The following SLC35F3 variants were observed in gnomAD, a reference collection of about 807,000 sequenced individuals.
SLC35F3 encodes the protein solute carrier family 35 member F3.
SLC35F3 carries 25 observed loss-of-function variants against 49.9 expected under a neutral mutation model. The ratio of observed to expected loss-of-function variants is 0.50; its 90% CI spans 0.37 to 0.70. The LOEUF is 0.70. Ranked by LOEUF, SLC35F3 falls within the 30% of genes least tolerant of loss-of-function variation. The probability of loss-of-function intolerance (pLI) is 0.00; values close to 1 mark genes in which losing one functional copy is unlikely to be tolerated. For missense variants in SLC35F3, 525 were observed against 639.8 expected, an observed-to-expected ratio of 0.82 and a Z score of 1.94; for synonymous variants, 275 against 265.4, an observed-to-expected ratio of 1.04 and a Z score of -0.35.
intron 3 of SLC35F3, among the ~76,000 whole-genome samples, chr1:234,236,925 T>TTATAAATATATATA (rs1667480688): frequency 1.0e-5 from 1 of 96,294 alleles, no homozygotes; most frequent in Non-Finnish European, 2.0e-5. Context: ...AAAAAAAAAA[T>TTATAAATATATATA]TATATATATA....
chr1:233,948,484 A>G (rs1662553041), intron 2 of SLC35F3, among the ~76,000 whole-genome samples: 1 of 152,146 alleles, frequency 6.6e-6, no homozygotes. Context: ...ACAAGGCTAG[A>G]TAATTAGGAA....
intron 3 of SLC35F3, among the ~76,000 whole-genome samples, chr1:234,296,256 T>C (rs967006726): frequency 1.3e-5 from 2 of 152,012 alleles, no homozygotes; most frequent in Non-Finnish European, 2.9e-5. Context: ...CTTCATCTCC[T>C]ACGTCCATCG....
chr1:234,082,642 C>T (rs1367086756), intron 2 of SLC35F3, among the ~76,000 whole-genome samples: 2 of 152,218 alleles, frequency 1.3e-5, no homozygotes, highest in South Asian at 4.2e-4. Flanking sequence ...TGAAGACATA[C>T]CCAAGACTGG....
chr1:233,984,311 C>T (rs906671951), intron 2 of SLC35F3, among the ~76,000 whole-genome samples: 13 of 152,186 alleles, frequency 8.5e-5, no homozygotes, highest in African/African-American at 2.7e-4. Flanking sequence ...CACTACTCCA[C>T]GGAGTAGGAC....
chr1:234,143,288 C>CTTTTCTTTTTTTTT (rs1478216426), intron 2 of SLC35F3, among the ~76,000 whole-genome samples: 2 of 123,534 alleles, frequency 1.6e-5, no homozygotes, highest in African/African-American at 3.5e-5. Context: ...CTTTTCTTTT[C>CTTTTCTTTTTTTTT]TTTTTTTTTT....
chr1:233,947,671 A>G (rs1662534373), intron 2 of SLC35F3, among the ~76,000 whole-genome samples: 1 of 150,418 alleles, frequency 6.6e-6, no homozygotes, highest in Admixed American at 6.6e-5. Context: ...CTTGCACCTC[A>G]TATGGGAACC....
At chr1:233,940,842 A>G (rs1662408736) in intron 2 of SLC35F3, among the ~76,000 whole-genome samples, 1 of 152,168 alleles carries the variant, frequency 6.6e-6, no homozygotes. Flanking sequence ...TAGACATGCA[A>G]TTACTGGGTC....
intron 2 of SLC35F3, among the ~76,000 whole-genome samples, chr1:234,029,131 G>A (rs138771364): frequency 5.8e-4 from 89 of 152,276 alleles, no homozygotes; most frequent in African/African-American, 2.1e-3. Flanking sequence ...GCTTGGGGCT[G>A]GGTGATAACA....
At chr1:234,230,889 T>A (rs1333671466) in intron 2 of SLC35F3, among the ~76,000 whole-genome samples, 1 of 152,230 alleles carries the variant, frequency 6.6e-6, no homozygotes, top group African/African-American at 2.4e-5. Flanking sequence ...ACTGTGCCTT[T>A]AAGTAACAGG....
chr1:234,039,787 G>A (rs948185185), intron 2 of SLC35F3, among the ~76,000 whole-genome samples: 4 of 152,202 alleles, frequency 2.6e-5, no homozygotes, highest in African/African-American at 9.6e-5. Flanking sequence ...TTTGCAGCTG[G>A]CAGGAGCAAA....
intron 2 of SLC35F3, among the ~76,000 whole-genome samples, chr1:234,066,754 C>CCT (rs1225222290): frequency 2.8e-5 from 4 of 144,314 alleles, no homozygotes; most frequent in East Asian, 2.1e-4. Flanking sequence ...TCTTTCTCTC[C>CCT]CTCTCTCTCT....
Position 234,027,707 on chromosome 1 carries a change from G to A in SLC35F3, c.283+121949G>A, listed in dbSNP as rs1663998990. Reference sequence around the variant, plus strand: ...GTGACCAGTTGTTTGGATGAAGAGAGGGTAATTTTGTTTGTTTATTCCCTG... The same window carrying A: ...GTGACCAGTTGTTTGGATGAAGAGAAGGTAATTTTGTTTGTTTATTCCCTG... On this transcript the variant is annotated intron_variant, in intron 2 of 7. Transcript: ENST00000366618. The surrounding 1 kb of genome is among the most constrained non-coding windows in gnomAD (Gnocchi z 4.1). Among the ~76,000 whole-genome samples, 2 of 152,136 alleles carry A rather than the reference G, an allele frequency of 1.3e-5. No individual in the cohort carries two copies. The highest frequency in any genetic ancestry group is 2.1e-4 in the South Asian group (1 of 4,822).
chr1:234,027,912 A>G lies in SLC35F3; in HGVS notation c.283+122154A>G, dbSNP rs770413113. On this transcript the variant is annotated intron_variant, in intron 2 of 7. Coordinates refer to ENST00000366618, the MANE Select transcript of SLC35F3 (RefSeq NM_173508.4). The surrounding 1 kb of genome is among the most constrained non-coding windows in gnomAD (Gnocchi z 4.1). ...GTAATTTCAGCTGGTGATAGCAACCATGTTGAGTAAGCAGTATTGATCAAA... is the reference window on the plus strand; with the variant it reads ...GTAATTTCAGCTGGTGATAGCAACCGTGTTGAGTAAGCAGTATTGATCAAA... Among the ~76,000 whole-genome samples, 4 of 152,206 alleles carry G rather than the reference A, an allele frequency of 2.6e-5. No homozygotes were observed. Among genetic ancestry groups the G allele is most frequent in the Non-Finnish European group, 5.9e-5 (4 of 68,020 alleles).
chr1:233,985,684 C>T lies in SLC35F3; in HGVS notation c.283+79926C>T, dbSNP rs544822787. ...TTTCAGCAATCTGCCTTTCTTTAGA[C>T]ATTCTGGGGGTGCTTTATTGGAACG... On this transcript the variant is annotated intron_variant, in intron 2 of 7. Coordinates refer to ENST00000366618, the MANE Select transcript of SLC35F3 (RefSeq NM_173508.4). Among the ~76,000 whole-genome samples the T allele has an allele frequency of 2.6e-5, 4 of 152,314 alleles. No individual in the cohort carries two copies. The South Asian group carries it at 8.3e-4, about 32-fold the overall frequency.
At chr1:234,048,440 G>A (rs1408044949) in intron 2 of SLC35F3, among the ~76,000 whole-genome samples, 1 of 152,186 alleles carries the variant, frequency 6.6e-6, no homozygotes, top group African/African-American at 2.4e-5. Context: ...ATGGACCAAA[G>A]GGGACAGTGT....
At chr1:234,185,412 A>G (rs1666628612) in intron 2 of SLC35F3, among the ~76,000 whole-genome samples, 1 of 152,236 alleles carries the variant, frequency 6.6e-6, no homozygotes, top group South Asian at 2.1e-4. Flanking sequence ...AGAAAAGTGA[A>G]TGTTCTAGGA....
chr1:234,321,919 G>A (rs1262364373), intron 7 of SLC35F3, among the ~76,000 whole-genome samples: 4 of 152,024 alleles, frequency 2.6e-5, no homozygotes, highest in East Asian at 1.9e-4. Flanking sequence ...GGGAGCTCAC[G>A]CCTGTAATCC....
In SLC35F3 at chr1:234,027,685, A is replaced by G. The variant is rs1663998591; in HGVS notation, c.283+121927A>G. Among the ~76,000 whole-genome samples, 2 of 152,140 alleles carry G rather than the reference A, an allele frequency of 1.3e-5. No homozygotes were observed. Among genetic ancestry groups the G allele is most frequent in the African/African-American group, 4.8e-5 (2 of 41,420 alleles). ...AAAATAAAATTGATAAAAATTGGTGACCAGTTGTTTGGATGAAGAGAGGGT... is the reference window on the plus strand; with the variant it reads ...AAAATAAAATTGATAAAAATTGGTGGCCAGTTGTTTGGATGAAGAGAGGGT... On this transcript the variant is annotated intron_variant, in intron 2 of 7. Coordinates refer to ENST00000366618, the MANE Select transcript of SLC35F3 (RefSeq NM_173508.4). The surrounding 1 kb of genome is among the most constrained non-coding windows in gnomAD (Gnocchi z 4.1).
At chr1:234,110,360 G>T (rs997741444) in intron 2 of SLC35F3, among the ~76,000 whole-genome samples, 2 of 152,228 alleles carry the variant, frequency 1.3e-5, no homozygotes, top group Non-Finnish European at 2.9e-5. Context: ...CACTCACACC[G>T]GTTCTCAAAT....
Sources: gnomAD v4.1 joint callset for allele counts (sites outside exome capture counted in the v4.1 genomes callset) on GRCh38, gnomAD v4.1.1 for gene constraint, Gnocchi (gnomAD v3.1) non-coding constraint, MANE v1.5 for transcripts, NCBI Gene and HGNC (gene_info 2026-07-23, HGNC 2026-07-21) for gene names.